The following ANKRD44 variants were observed in gnomAD, a reference collection of about 807,000 sequenced individuals.
ANKRD44 encodes serine/threonine-protein phosphatase 6 regulatory ankyrin repeat subunit B.
Under a neutral mutation model 116.0 loss-of-function variants are expected in ANKRD44, and 35 were observed. The ratio of observed to expected loss-of-function variants is 0.30; its 90% CI spans 0.23 to 0.40. ANKRD44 has a LOEUF of 0.40. Among genes scored for constraint, ANKRD44 ranks in the 10% least tolerant of loss-of-function variants. The pLI, the probability that ANKRD44 is intolerant of heterozygous loss-of-function variation, is 1.00. For missense variants in ANKRD44, 1,014 were observed against 1,242.6 expected (o/e 0.82, Z 2.77); for synonymous variants, 435 against 461.8 (o/e 0.94, Z 0.74).
Position 197,065,677 on chromosome 2 carries a change from C to G in ANKRD44, c.1650+13026G>C, listed in dbSNP as rs187498167. 2.6e-5 allele frequency among the ~76,000 whole-genome samples: 4 copies of G among 152,120 alleles called. 1 individual carries two copies. Among genetic ancestry groups the G allele is most frequent in the African/African-American group, 9.7e-5 (4 of 41,424 alleles). ...TCAGAGAACACTATAAACACCTCTACGCAAATAAACTAGAAAATCTAGAAG... is the reference window on the plus strand; with the variant it reads ...TCAGAGAACACTATAAACACCTCTAGGCAAATAAACTAGAAAATCTAGAAG... On this transcript the variant is annotated intron_variant, in intron 16 of 27. Transcript: ENST00000282272.
chr2:197,181,328 T>C (rs1237804084), intron 2 of ANKRD44, among the ~76,000 whole-genome samples: 1 of 151,530 alleles, frequency 6.6e-6, no homozygotes, highest in African/African-American at 2.4e-5. Context: ...AAATGGAGGA[T>C]GCACTGGATA....
intron 1 of ANKRD44, among the ~76,000 whole-genome samples, chr2:197,304,380 G>A (rs2084007305): frequency 6.6e-6 from 1 of 152,158 alleles, no homozygotes; most frequent in Non-Finnish European, 1.5e-5. Context: ...GAAGTAGGGT[G>A]GAGAATAGGA....
At chr2:196,983,798 T>C (rs2376206), downstream of ANKRD44, among the ~76,000 whole-genome samples, 134,161 of 152,260 alleles carry the variant, frequency 0.88, 59,717 homozygotes, top group East Asian at 1. Context: ...TACTGTGTTG[T>C]CAGAGCTTGC....
chr2:197,102,840 A>G (rs1163587513), intron 9 of ANKRD44, among the ~76,000 whole-genome samples: 5 of 152,220 alleles, frequency 3.3e-5, no homozygotes, highest in Non-Finnish European at 5.9e-5. Flanking sequence ...AGTAAGCTCT[A>G]TTTGGGAGAT....
At chr2:197,006,658 C>A (rs1559411828) in intron 20 of ANKRD44, among the ~76,000 whole-genome samples, 1 of 152,150 alleles carries the variant, frequency 6.6e-6, no homozygotes, top group Non-Finnish European at 1.5e-5. Context: ...TGTTGTACAG[C>A]ACACAGGAAG....
At chr2:196,985,910 A>G (rs1250795198), downstream of ANKRD44, among the ~76,000 whole-genome samples, 1 of 152,232 alleles carries the variant, frequency 6.6e-6, no homozygotes, top group Non-Finnish European at 1.5e-5. Context: ...TAGTGCAGAG[A>G]TGGAGGTTCT....
intron 3 of ANKRD44, 151 bp from the exon 4 acceptor site, chr2:197,136,813 C>T: frequency 1.5e-6 from 1 of 683,128 alleles, no homozygotes; most frequent in Non-Finnish European, 2.5e-6. Context: ...AAGATTTGAT[C>T]AAGGCTGAGG....
intron 16 of ANKRD44, among the ~76,000 whole-genome samples, chr2:197,073,310 G>C (rs2077598310): frequency 6.6e-6 from 1 of 152,152 alleles, no homozygotes; most frequent in South Asian, 2.1e-4. Flanking sequence ...CTCTGCCTGG[G>C]TGAATGGACC....
intron 13 of ANKRD44, among the ~76,000 whole-genome samples, chr2:197,086,273 G>A (rs2077920455): frequency 6.6e-6 from 1 of 152,144 alleles, no homozygotes; most frequent in South Asian, 2.1e-4. Context: ...GGTGGTGTGT[G>A]TGCACTTAAT....
chr2:197,066,024 A>G (rs1016448062), intron 16 of ANKRD44, among the ~76,000 whole-genome samples: 3 of 152,214 alleles, frequency 2.0e-5, no homozygotes, highest in Non-Finnish European at 4.4e-5. Flanking sequence ...GACAAACATC[A>G]ATGTAAAAAT....
intron 1 of ANKRD44, among the ~76,000 whole-genome samples, chr2:197,250,530 T>C (rs2082292393): frequency 6.6e-6 from 1 of 152,214 alleles, no homozygotes. Context: ...TGTGGTCTGT[T>C]AGCAAGGAAG....
In ANKRD44 at chr2:196,973,285, T is replaced by G. The variant is rs377142304; in HGVS notation, c.2369-5839A>C. Among the ~76,000 whole-genome samples, 25 of 152,190 alleles carry G rather than the reference T, an allele frequency of 1.6e-4. No individual in the cohort carries two copies. In the South Asian group the frequency reaches 4.8e-3, roughly 29 times the overall value. On this transcript the variant is annotated intron_variant, in intron 21 of 21. Coordinates refer to the ANKRD44 transcript ENST00000424317. ...TCCTTTTCCTATTTTTAAAATTGTG[T>G]TTTCTGTGTTTTTCCTATCACTTTA...
chr2:197,288,857 T>G lies in ANKRD44; in HGVS notation c.27+21721A>C, dbSNP rs535599167. On this transcript the variant is annotated intron_variant, in intron 1 of 27. Transcript: ENST00000282272. ...ATGGGAGCTAAAAAACTTGAAATCA[T>G]GGACCCAGAGGATAGAATAACAGAT... Among the ~76,000 whole-genome samples the G allele has an allele frequency of 3.3e-5, 5 of 152,250 alleles. No homozygotes were observed. The South Asian group carries it at 1.0e-3, about 32-fold the overall frequency.
chr2:197,123,745 G>A (rs2078912558), intron 6 of ANKRD44, among the ~76,000 whole-genome samples: 1 of 152,210 alleles, frequency 6.6e-6, no homozygotes, highest in Admixed American at 6.5e-5. Context: ...AAATTGAAGG[G>A]TAGAAGACAA....
rs2081133230 is a variant in ANKRD44 at position 197,203,223 on chromosome 2, A to G, written c.28-16117T>C. 6.6e-6 allele frequency among the ~76,000 whole-genome samples: 1 copy of G among 152,206 alleles called. No homozygotes were observed. Among genetic ancestry groups the G allele is most frequent in the Admixed American group, 6.5e-5 (1 of 15,290 alleles). On this transcript the variant is annotated intron_variant, in intron 1 of 27. Coordinates refer to ENST00000282272, the MANE Select transcript of ANKRD44 (RefSeq NM_001195144.2). This position sits in a 1 kb window ranked among gnomAD's most constrained non-coding sequence, Gnocchi z 4.1. Reference sequence around the variant, plus strand: ...TAACAACACTATTTATGACAGGAAAAATTAAAAGGGAACCAATGTCAAAGC... The same window carrying G: ...TAACAACACTATTTATGACAGGAAAGATTAAAAGGGAACCAATGTCAAAGC...
At chr2:197,034,083 A>AGAGAGAGAGC (rs1410716481) in intron 16 of ANKRD44, among the ~76,000 whole-genome samples, 2 of 151,730 alleles carry the variant, frequency 1.3e-5, no homozygotes, top group Admixed American at 6.6e-5. Flanking sequence ...AGAGAGAGAG[A>AGAGAGAGAGC]GAGCTCATAC....
Position 197,238,336 on chromosome 2 carries a change from A to T in ANKRD44, c.28-51230T>A, listed in dbSNP as rs116625943. Among the ~76,000 whole-genome samples, 807 of 152,116 alleles carry T rather than the reference A, an allele frequency of 5.3e-3. 9 individuals carry two copies. Among genetic ancestry groups the T allele is most frequent in the African/African-American group, 0.018 (761 of 41,534 alleles). On this transcript the variant is annotated intron_variant, in intron 1 of 27. Transcript: ENST00000282272. ...ATCCTGACACTCTACCGTAAAAAAA[A>T]ATGGTCAGGTCAAATAAAGGCACAG...
At chr2:197,199,596 A>G (rs373162120) in intron 1 of ANKRD44, among the ~76,000 whole-genome samples, 1 of 152,210 alleles carries the variant, frequency 6.6e-6, no homozygotes, top group Non-Finnish European at 1.5e-5. Context: ...ATGGGATTTT[A>G]CTATTTCCCA....
In ANKRD44 at chr2:196,993,672, G is replaced by A. The variant is rs2075960995; in HGVS notation, c.2834C>T (p.Pro945Leu). Residue 945 changes from proline (P) to leucine (L), a missense_variant and splice_region_variant, in exon 27 of 28, where the codon CCC becomes CTC. Coordinates refer to ENST00000282272, the MANE Select transcript of ANKRD44 (RefSeq NM_001195144.2). ...GCCATTGCGCGCAGCGACGTGGAGG[G>A]GTCTAAAAAACACAAGACCGAGCAT... is the stretch of plus-strand genomic sequence containing the variant. Reference protein sequence around the residue: ...INEKNNALQTPLHVAARNGLK... With the variant: ...INEKNNALQTLLHVAARNGLK... 1.3e-6 allele frequency: 2 copies of A among 1,550,504 alleles called. No homozygotes were observed. The highest frequency in any genetic ancestry group is 1.7e-6 in the Non-Finnish European group (2 of 1,146,816).
Sources: allele counts gnomAD v4.1 joint callset (sites outside exome capture counted in the v4.1 genomes callset), GRCh38; gene constraint gnomAD v4.1.1; non-coding constraint Gnocchi (gnomAD v3.1); transcripts MANE v1.5; gene names NCBI Gene and HGNC (gene_info 2026-07-23, HGNC 2026-07-21).